FBXW7: variants seen among roughly 807,000 people sequenced by gnomAD.
The protein encoded by FBXW7 is F-box/WD repeat-containing protein 7.
Under a neutral mutation model 86.3 loss-of-function variants are expected in FBXW7, and 11 were observed. The observed-to-expected ratio is 0.13, with a 90% CI of 0.08 to 0.21. The LOEUF (loss-of-function observed/expected upper bound fraction) is 0.21. Among genes scored for constraint, FBXW7 ranks in the 10% least tolerant of loss-of-function variants. FBXW7 has a pLI of 1.00. For synonymous variants in FBXW7, 313 were observed against 297.9 expected (o/e 1.05, Z -0.52); for missense variants, 488 against 847.4 (o/e 0.58, Z 5.27).
chr4:152,382,123 C>T, intron 4 of FBXW7: 1 of 1,181,728 alleles, frequency 8.5e-7, no homozygotes, highest in Non-Finnish European at 1.2e-6. Flanking sequence ...GGCATCTTTT[C>T]ACTAAAAGAG....
intron 2 of FBXW7, among the ~76,000 whole-genome samples, chr4:152,517,836 G>A (rs945289166): frequency 6.6e-6 from 1 of 152,078 alleles, no homozygotes; most frequent in Non-Finnish European, 1.5e-5. Flanking sequence ...TTATGTCAGA[G>A]GATACTAATG....
At chr4:152,388,275 G>C (rs79249564) in intron 4 of FBXW7, among the ~76,000 whole-genome samples, 2,439 of 152,156 alleles carry the variant, frequency 0.016, 76 homozygotes, top group African/African-American at 0.056. Context: ...TGGGCAACAA[G>C]GGCGGCCCCT....
chr4:152,462,732 T>C (rs181888070), intron 2 of FBXW7, among the ~76,000 whole-genome samples: 82 of 152,326 alleles, frequency 5.4e-4, no homozygotes, highest in Non-Finnish European at 3.8e-4. Flanking sequence ...CCAGATCTTA[T>C]AATTGTTAGC....
intron 2 of FBXW7, chr4:152,412,749 G>C (rs1252038761): frequency 1.3e-5 from 2 of 152,002 alleles, no homozygotes; most frequent in Admixed American, 1.3e-4. Context: ...ATTATGCTAA[G>C]GGGAAAATGC....
intron 2 of FBXW7, among the ~76,000 whole-genome samples, chr4:152,521,289 C>T (rs1328625134): frequency 6.6e-6 from 1 of 152,060 alleles, no homozygotes; most frequent in Non-Finnish European, 1.5e-5. Context: ...TCAGGACACA[C>T]TTCCTAGGAG....
chr4:152,452,179 T>C (rs1158200008), intron 2 of FBXW7, among the ~76,000 whole-genome samples: 3 of 152,326 alleles, frequency 2.0e-5, no homozygotes, highest in East Asian at 3.9e-4. Context: ...ATAAATTTAA[T>C]AAATGAAAAC....
chr4:152,386,773 C>T (rs1225772473), intron 4 of FBXW7, among the ~76,000 whole-genome samples: 2 of 151,988 alleles, frequency 1.3e-5, no homozygotes, highest in Non-Finnish European at 2.9e-5. Flanking sequence ...TATAAGGTAA[C>T]TTATTTTGCC....
chr4:152,499,257 C>G (rs750865215), intron 2 of FBXW7, among the ~76,000 whole-genome samples: 23 of 152,140 alleles, frequency 1.5e-4, no homozygotes, highest in Non-Finnish European at 3.1e-4. Context: ...CAATTCCAGG[C>G]AAGAGCTGTT....
intron 2 of FBXW7, among the ~76,000 whole-genome samples, chr4:152,532,768 C>A (rs954832120): frequency 6.6e-6 from 1 of 152,120 alleles, no homozygotes; most frequent in Admixed American, 6.6e-5. Flanking sequence ...TGGTCTATCC[C>A]CCCTCTCCTA....
At chr4:152,445,917 A>T (rs1020494650) in intron 2 of FBXW7, among the ~76,000 whole-genome samples, 1 of 53,108 alleles carries the variant, frequency 1.9e-5, no homozygotes, top group African/African-American at 1.8e-4. Context: ...CTTTAAAAAA[A>T]AAAAAAAAAA....
chr4:152,436,739 A>C (rs1382843337), intron 2 of FBXW7, among the ~76,000 whole-genome samples: 4 of 152,160 alleles, frequency 2.6e-5, no homozygotes, highest in African/African-American at 9.6e-5. Flanking sequence ...AGAGCTCTTA[A>C]GAATTAGGCT....
chr4:152,353,277 A>T (rs35676740), intron 4 of FBXW7, among the ~76,000 whole-genome samples: 1 of 152,196 alleles, frequency 6.6e-6, no homozygotes, highest in Non-Finnish European at 1.5e-5. Flanking sequence ...AATCCCGAAA[A>T]GAGAAATTAA....
chr4:152,383,068 T>G (rs1459489008), intron 4 of FBXW7, among the ~76,000 whole-genome samples: 1 of 152,180 alleles, frequency 6.6e-6, no homozygotes, highest in East Asian at 1.9e-4. Context: ...AGATTAATCT[T>G]TGTACCAGAG....
At chr4:152,515,875 C>A (rs1248394397) in intron 2 of FBXW7, among the ~76,000 whole-genome samples, 1 of 151,874 alleles carries the variant, frequency 6.6e-6, no homozygotes, top group African/African-American at 2.4e-5. Context: ...TTTAATCCAG[C>A]ATTTTTCTTC....
chr4:152,402,836 A>G (rs1170051301), intron 4 of FBXW7, among the ~76,000 whole-genome samples: 1 of 152,242 alleles, frequency 6.6e-6, no homozygotes, highest in Non-Finnish European at 1.5e-5. Context: ...TGCTCTAGGT[A>G]GAAGAACAAG....
rs556049635 is a variant in FBXW7, at chr4:152,480,572, T to C, written c.-120+54369A>G. Reference sequence around the variant, plus strand: ...GAGGAAGGAATGATGAAGGCCAAGATAGGCCAAAAGCTAGGATTCTTGTGC... The same window carrying C: ...GAGGAAGGAATGATGAAGGCCAAGACAGGCCAAAAGCTAGGATTCTTGTGC... On this transcript the variant is annotated intron_variant, in intron 2 of 13. Transcript: ENST00000281708. Among the ~76,000 whole-genome samples, 30 of 152,278 alleles carry C rather than the reference T, an allele frequency of 2.0e-4. 2 individuals carry two copies. In the South Asian group the frequency reaches 4.1e-3, roughly 21 times the overall value.
chr4:152,483,401 A>G (rs1297166571), intron 2 of FBXW7, among the ~76,000 whole-genome samples: 12 of 144,922 alleles, frequency 8.3e-5, no homozygotes, highest in Admixed American at 7.6e-4. Flanking sequence ...TTTATAGGGA[A>G]AAAAAAAAAA....
At chr4:152,340,795 T>C (rs1264794866) in intron 6 of FBXW7, among the ~76,000 whole-genome samples, 3 of 152,162 alleles carry the variant, frequency 2.0e-5, no homozygotes, top group African/African-American at 7.2e-5. Flanking sequence ...TGTTGCTTTT[T>C]CAACATCTAT....
intron 7 of FBXW7, among the ~76,000 whole-genome samples, chr4:152,336,548 T>G (rs1730137996): frequency 6.6e-6 from 1 of 152,044 alleles, no homozygotes; most frequent in Admixed American, 6.6e-5. Flanking sequence ...TAAAATCACT[T>G]TCAGTCAAAT....
Sources: allele counts gnomAD v4.1 joint callset (sites outside exome capture counted in the v4.1 genomes callset), GRCh38; gene constraint gnomAD v4.1.1; transcripts MANE v1.5; gene names NCBI Gene and HGNC (gene_info 2026-07-23, HGNC 2026-07-21).